The following ARHGAP32 variants were observed in gnomAD, a reference collection of about 807,000 sequenced individuals.
ARHGAP32 encodes the protein Rho GTPase activating protein 32, also known as rho GTPase-activating protein 32.
In ARHGAP32, 51 loss-of-function variants were observed where a neutral mutation model predicts 186.5. The observed-to-expected ratio is 0.27, with a 90% confidence interval of 0.22 to 0.35. The LOEUF is 0.35. ARHGAP32 is among the 10% of genes least tolerant of loss of function. The probability of loss-of-function intolerance (pLI) is 1.00; values close to 1 mark genes in which losing one functional copy is unlikely to be tolerated. For synonymous variants in ARHGAP32, 950 were observed against 964.3 expected (o/e 0.99, Z 0.27); for missense variants, 2,186 against 2,623.5 (o/e 0.83, Z 3.64).
chr11:129,191,670 G>GCACACACA (rs71057930), intron 1 of ARHGAP32, among the ~76,000 whole-genome samples: 4 of 148,154 alleles, frequency 2.7e-5, no homozygotes, highest in South Asian at 2.2e-4. Flanking sequence ...AGGCAGGCAC[G>GCACACACA]CACACACACA....
At chr11:128,981,347 T>C in intron 17 of ARHGAP32, 69 bp downstream of exon 17, 1 of 1,485,132 alleles carries the variant, frequency 6.7e-7, no homozygotes, top group Admixed American at 2.2e-5. Context: ...CAATAAGAAA[T>C]GCATGGTTTG....
chr11:129,099,851 G>C (rs1316566547), intron 5 of ARHGAP32, among the ~76,000 whole-genome samples: 12 of 151,990 alleles, frequency 7.9e-5, no homozygotes, highest in Non-Finnish European at 1.8e-4. Flanking sequence ...TCTTCAGAGG[G>C]AAGGCACCCA....
At chr11:129,203,518 A>G (rs1485502057) in intron 1 of ARHGAP32, among the ~76,000 whole-genome samples, 1 of 151,998 alleles carries the variant, frequency 6.6e-6, no homozygotes, top group African/African-American at 2.4e-5. Context: ...CAGTTAATTA[A>G]GGTAAAAGTA....
At chr11:129,116,538 C>T (rs1216683106) in intron 5 of ARHGAP32, among the ~76,000 whole-genome samples, 1 of 151,884 alleles carries the variant, frequency 6.6e-6, no homozygotes, top group Non-Finnish European at 1.5e-5. Flanking sequence ...AACTTTGTGG[C>T]CAGGGTGAGA....
intron 1 of ARHGAP32, among the ~76,000 whole-genome samples, chr11:129,248,762 C>G (rs1945138360): frequency 6.6e-6 from 1 of 152,148 alleles, no homozygotes; most frequent in Non-Finnish European, 1.5e-5. Flanking sequence ...CACGTGCTTC[C>G]CCATCAGTAC....
intron 10 of ARHGAP32, among the ~76,000 whole-genome samples, chr11:129,044,406 T>A (rs1432113717): frequency 6.6e-6 from 1 of 151,718 alleles, no homozygotes; most frequent in Non-Finnish European, 1.5e-5. Context: ...GGTTGCAAAA[T>A]TTTTTTGTGA....
intron 13 of ARHGAP32, 122 bp downstream of exon 13, chr11:128,987,901 T>G: frequency 1.4e-6 from 1 of 697,298 alleles, no homozygotes; most frequent in Non-Finnish European, 2.4e-6. Flanking sequence ...ATGTATATTA[T>G]TTCCTATTTT....
chr11:129,004,898 C>T (rs1937681679), intron 11 of ARHGAP32, among the ~76,000 whole-genome samples: 1 of 152,104 alleles, frequency 6.6e-6, no homozygotes, highest in South Asian at 2.1e-4. Context: ...AGACTTCCTC[C>T]AACCATTTTG....
At chr11:129,187,959 GGTTT>G (rs1291733395) in intron 1 of ARHGAP32, among the ~76,000 whole-genome samples, 2 of 151,870 alleles carry the variant, frequency 1.3e-5, no homozygotes, top group African/African-American at 2.4e-5. Context: ...TGTTTGTTGA[GGTTT>G]GTTTGTTTTT....
chr11:129,086,625 T>G (rs1591601525), intron 6 of ARHGAP32, among the ~76,000 whole-genome samples: 1 of 151,844 alleles, frequency 6.6e-6, no homozygotes, highest in Admixed American at 6.6e-5. Context: ...ATCGAGACCA[T>G]CCCGGCTAGC....
At chr11:129,234,074 GCCGTACTTTC>G (rs1165771408) in intron 1 of ARHGAP32, among the ~76,000 whole-genome samples, 1 of 151,996 alleles carries the variant, frequency 6.6e-6, no homozygotes, top group Non-Finnish European at 1.5e-5. Context: ...CATGTTCCTT[GCCGTACTTTC>G]CTGTTTGTTT....
chr11:129,207,791 A>G (rs1038364348), intron 1 of ARHGAP32, among the ~76,000 whole-genome samples: 8 of 152,218 alleles, frequency 5.3e-5, no homozygotes, highest in African/African-American at 1.9e-4. Flanking sequence ...AAAATGATAA[A>G]ATAATAGAAA....
intron 10 of ARHGAP32, among the ~76,000 whole-genome samples, chr11:129,049,023 T>C (rs561907822): frequency 2.6e-5 from 4 of 152,132 alleles, no homozygotes. Context: ...TCGGAGATCC[T>C]GGATGATCTT....
intron 5 of ARHGAP32, among the ~76,000 whole-genome samples, chr11:129,121,568 A>G (rs1186157257): frequency 6.6e-6 from 1 of 151,922 alleles, no homozygotes; most frequent in Non-Finnish European, 1.5e-5. Context: ...AACCACCCCT[A>G]TCTTCCATAC....
At chr11:129,160,304 G>A (rs761180828) in intron 2 of ARHGAP32, among the ~76,000 whole-genome samples, 4 of 152,178 alleles carry the variant, frequency 2.6e-5, no homozygotes, top group Non-Finnish European at 5.9e-5. Flanking sequence ...AAGAGAGGAA[G>A]TCAAATTGTC....
At chr11:129,058,238 C>A (rs61910977) in intron 10 of ARHGAP32, among the ~76,000 whole-genome samples, 26,768 of 138,782 alleles carry the variant, frequency 0.19, 2,636 homozygotes, top group South Asian at 0.38. Context: ...CTCTCTCTCT[C>A]TATATATATA....
In ARHGAP32 at chr11:129,124,802, C is replaced by T; in HGVS notation, c.317+1G>A. ...AGAATCCACTGTAAAGTTATACTCA[C>T]TTTTTCACATGCTTAACCTTCATAC... is the stretch of plus-strand genomic sequence containing the variant. On this transcript the variant is annotated splice_donor_variant, in intron 3 of 22. Transcript: ENST00000682385. LOFTEE classifies it high-confidence loss of function. The T allele has an allele frequency of 6.3e-7, 1 of 1,596,792 alleles. No homozygotes were observed. Among genetic ancestry groups the T allele is most frequent in the Non-Finnish European group, 8.5e-7 (1 of 1,172,484 alleles).
chr11:129,070,757 T>C (rs1484186880), intron 6 of ARHGAP32, among the ~76,000 whole-genome samples: 1 of 151,904 alleles, frequency 6.6e-6, no homozygotes, highest in Non-Finnish European at 1.5e-5. Context: ...AATTGACACG[T>C]TGTACCAATT....
intron 2 of ARHGAP32, among the ~76,000 whole-genome samples, chr11:129,153,738 A>C (rs546557984): frequency 3.4e-4 from 52 of 152,228 alleles, no homozygotes; most frequent in Non-Finnish European, 6.3e-4. Flanking sequence ...CATCAAGTCA[A>C]GATGGATCAG....
Sources: gnomAD v4.1 joint callset for allele counts (sites outside exome capture counted in the v4.1 genomes callset) on GRCh38, gnomAD v4.1.1 for gene constraint, MANE v1.5 for transcripts, NCBI Gene and HGNC (gene_info 2026-07-23, HGNC 2026-07-21) for gene names.